SEPTIN11: variants seen among roughly 807,000 people sequenced by gnomAD.
SEPTIN11 encodes septin 11, also known as septin-11.
In SEPTIN11, 25 loss-of-function variants were observed where a neutral mutation model predicts 51.4. That is an observed-to-expected ratio of 0.49 (90% CI 0.35 to 0.68). The LOEUF is 0.68. Among genes scored for constraint, SEPTIN11 ranks in the 30% least tolerant of loss-of-function variants. The pLI is 0.00. For missense variants in SEPTIN11, 381 were observed against 520.8 expected, an observed-to-expected ratio of 0.73 and a Z score of 2.61; for synonymous variants, 174 against 184.1, an observed-to-expected ratio of 0.95 and a Z score of 0.44.
chr4:77,003,472 C>T (rs1457667361), intron 2 of SEPTIN11, among the ~76,000 whole-genome samples: 1 of 152,204 alleles, frequency 6.6e-6, no homozygotes, highest in Non-Finnish European at 1.5e-5. Flanking sequence ...TTCTTGAATT[C>T]TCAGAACTTG....
At chr4:77,034,052 T>A (rs17002342) in intron 9 of SEPTIN11, among the ~76,000 whole-genome samples, 5,955 of 152,302 alleles carry the variant, frequency 0.039, 377 homozygotes, top group African/African-American at 0.14. Context: ...GCTTTAGACC[T>A]TTTCTTCAAG....
At chr4:76,956,450 G>A (rs768078366) in intron 1 of SEPTIN11, among the ~76,000 whole-genome samples, 6 of 152,220 alleles carry the variant, frequency 3.9e-5, no homozygotes, top group Non-Finnish European at 7.3e-5. Context: ...GCTAAATTAT[G>A]TTGCGGTAAC....
chr4:77,018,448 CA>C (rs35058632), intron 5 of SEPTIN11, among the ~76,000 whole-genome samples: 62,629 of 131,522 alleles, frequency 0.48, 13,224 homozygotes, highest in Middle Eastern at 0.5. Flanking sequence ...GACTCCATCT[CA>C]AAAAAAAAAA....
intron 3 of SEPTIN11, among the ~76,000 whole-genome samples, chr4:77,007,353 G>A (rs1349866364): frequency 6.6e-6 from 1 of 152,128 alleles, no homozygotes; most frequent in Non-Finnish European, 1.5e-5. Context: ...TTCCTTGATT[G>A]GAAGACAGCA....
chr4:76,968,068 T>C (rs546119933), intron 1 of SEPTIN11, among the ~76,000 whole-genome samples: 67 of 152,274 alleles, frequency 4.4e-4, no homozygotes, highest in African/African-American at 1.5e-3. Flanking sequence ...CAAAAACATA[T>C]GCTATATATA....
At position 77,035,849 on chromosome 4, in the gene SEPTIN11, T is replaced by C; in HGVS notation, c.*1337T>C. On this transcript the variant is annotated 3_prime_UTR_variant, in exon 10 of 10. Coordinates refer to ENST00000264893, the MANE Select transcript of SEPTIN11 (RefSeq NM_018243.4). The stretch of plus-strand genomic sequence containing the variant: ...CTATACTGCTCCTTTCTGATGCTTA[T>C]CCTTTCATCTGTGTGATTGTTTTTT... 1 of 985,900 alleles carries C rather than the reference T, an allele frequency of 1.0e-6. No individual in the cohort carries two copies. The highest frequency in any genetic ancestry group is 4.7e-5 in the South Asian group (1 of 21,282). 61.1% of individuals were successfully genotyped at this position (985,900 alleles called of 1,614,324 possible). A position where few individuals can be genotyped will look rare whatever the true frequency, so the allele number is the denominator to read the frequency against.
chr4:77,030,765 TTTTC>T lies in SEPTIN11; in HGVS notation c.1087-14_1087-11del, dbSNP rs1726566231. ...ATTTTCATTCCATTCACCAAGCCTGTTTTCTTTTTCTCTCCAGCTTCACGAGAAG... is the reference window on the plus strand; with the variant it reads ...ATTTTCATTCCATTCACCAAGCCTGTTTTTTCTCTCCAGCTTCACGAGAAG... On this transcript the variant is annotated splice_polypyrimidine_tract_variant and intron_variant, in intron 8 of 9. Coordinates refer to ENST00000264893, the MANE Select transcript of SEPTIN11 (RefSeq NM_018243.4). 1 of 1,575,850 alleles carries T rather than the reference TTTTC, an allele frequency of 6.3e-7. No individual in the cohort carries two copies. The highest frequency in any genetic ancestry group is 1.4e-5 in the African/African-American group (1 of 72,152).
intron 1 of SEPTIN11, among the ~76,000 whole-genome samples, chr4:76,960,505 G>A (rs1447484382): frequency 6.6e-6 from 1 of 152,190 alleles, no homozygotes; most frequent in Non-Finnish European, 1.5e-5. Flanking sequence ...GCCACTAGCT[G>A]CTGCTCCAAA....
At chr4:76,991,370 A>G (rs1723366347) in intron 1 of SEPTIN11, among the ~76,000 whole-genome samples, 1 of 152,248 alleles carries the variant, frequency 6.6e-6, no homozygotes, top group Admixed American at 6.5e-5. Flanking sequence ...GTCTGACTCT[A>G]AGCCTTTTGC....
intron 5 of SEPTIN11, among the ~76,000 whole-genome samples, chr4:77,016,635 T>TATATATATATACAC (rs1725300662): frequency 1.8e-5 from 1 of 54,964 alleles, no homozygotes; most frequent in Non-Finnish European, 3.6e-5. Context: ...TATATACACA[T>TATATATATATACAC]ATATATATAT....
rs1411407881 is a variant in SEPTIN11 at position 77,028,750 on chromosome 4, G to T, written c.1075G>T (p.Ala359Ser). ...VKEKEAELKE[A>S]EKELHEKFDL... is the part of the protein sequence containing the mutation. Reference sequence around the variant, plus strand: ...GGAGAAAGAAGCTGAACTTAAGGAGGCAGAGAAAGAGGTAAGCCATCTGTC... The same window carrying T: ...GGAGAAAGAAGCTGAACTTAAGGAGTCAGAGAAAGAGGTAAGCCATCTGTC... The change falls in exon 8 of 10, where the codon GCA (alanine) becomes TCA (serine). Residue 359 changes from alanine to serine, a missense_variant. Physicochemically the swap from Ala to Ser is moderately conservative, Grantham distance 99. Around this residue, in one of 2 missense-constraint regions of SEPTIN11, gnomAD observed 197 missense variants for 313.1 expected, o/e 0.63. Coordinates refer to ENST00000264893, the MANE Select transcript of SEPTIN11 (RefSeq NM_018243.4). The T allele has an allele frequency of 1.9e-6, 3 of 1,612,026 alleles. No homozygotes were observed. The South Asian group carries it at 3.3e-5, about 18-fold the overall frequency.
chr4:76,991,739 T>C (rs781235207), intron 1 of SEPTIN11, among the ~76,000 whole-genome samples: 1 of 152,236 alleles, frequency 6.6e-6, no homozygotes, highest in Non-Finnish European at 1.5e-5. Context: ...TGATGACTTT[T>C]ATCCTTCATA....
chr4:76,965,319 C>T (rs1197010504), intron 1 of SEPTIN11, among the ~76,000 whole-genome samples: 4 of 151,750 alleles, frequency 2.6e-5, no homozygotes, highest in Admixed American at 6.6e-5. Context: ...GGCGTGGTGG[C>T]GTGCACCTGT....
chr4:76,996,596 C>T, intron 2 of SEPTIN11, 57 bp downstream of exon 2: 1 of 1,231,218 alleles, frequency 8.1e-7, no homozygotes, highest in Admixed American at 1.7e-5. Flanking sequence ...TGACAGGTAA[C>T]TGTCGGAGAG....
chr4:76,991,383 C>T (rs951981539), intron 1 of SEPTIN11, among the ~76,000 whole-genome samples: 1 of 152,238 alleles, frequency 6.6e-6, no homozygotes, highest in Non-Finnish European at 1.5e-5. Context: ...CCTTTTGCTG[C>T]CCTTCTCTGG....
intron 1 of SEPTIN11, among the ~76,000 whole-genome samples, chr4:76,950,284 G>T (rs947840724): frequency 1.3e-5 from 2 of 152,240 alleles, no homozygotes; most frequent in African/African-American, 4.8e-5. Flanking sequence ...AGGGCGCCGG[G>T]TTCGGGGCTT....
intron 1 of SEPTIN11, among the ~76,000 whole-genome samples, chr4:76,994,522 C>T (rs1306540468): frequency 6.6e-6 from 1 of 152,174 alleles, no homozygotes; most frequent in East Asian, 1.9e-4. Context: ...ACTCTTGAGT[C>T]TCATATTCAC....
At chr4:77,039,444 T>C, downstream of SEPTIN11, 2 of 1,026,452 alleles carry the variant, frequency 1.9e-6, no homozygotes, top group Non-Finnish European at 2.3e-6. Context: ...ACTGATGGAC[T>C]GAAGACAGCG....
intron 1 of SEPTIN11, among the ~76,000 whole-genome samples, chr4:76,965,985 C>T (rs1722019778): frequency 6.6e-6 from 1 of 151,748 alleles, no homozygotes; most frequent in Non-Finnish European, 1.5e-5. Flanking sequence ...TGATGGACAA[C>T]TGCAAGCTTT....
Sources: gnomAD v4.1 joint callset for allele counts (sites outside exome capture counted in the v4.1 genomes callset) on GRCh38, gnomAD v4.1.1 for gene constraint, gnomAD v4.1.1 regional missense constraint, MANE v1.5 for transcripts, NCBI Gene and HGNC (gene_info 2026-07-23, HGNC 2026-07-21) for gene names.